Variants in PCDHA8 observed in about 807,000 individuals in gnomAD.
PCDHA8 encodes the protein protocadherin alpha 8.
Under a neutral mutation model 61.8 loss-of-function variants are expected in PCDHA8, and 53 were observed. The ratio of observed to expected loss-of-function variants is 0.86; its 90% CI spans 0.69 to 1.08. The LOEUF (loss-of-function observed/expected upper bound fraction) is 1.08, where lower values mean the gene tolerates loss of function less well. Ranked by LOEUF, PCDHA8 falls within the 50% of genes least tolerant of loss-of-function variation. The pLI is 0.00. For synonymous variants in PCDHA8, 618 were observed against 556.6 expected (o/e 1.11, Z -1.55); for missense variants, 1,293 against 1,245.0 (o/e 1.04, Z -0.58).
At chr5:140,929,050 C>T (rs946542782) in intron 1 of PCDHA8, 11 of 1,614,026 alleles carry the variant, frequency 6.8e-6, no homozygotes, top group African/African-American at 5.3e-5. Flanking sequence ...GAGCTGCTGT[C>T]GCTCTACAGA....
At chr5:140,977,104 A>C (rs2096746104) in intron 1 of PCDHA8, among the ~76,000 whole-genome samples, 1 of 152,242 alleles carries the variant, frequency 6.6e-6, no homozygotes, top group Admixed American at 6.5e-5. Flanking sequence ...TGGGGAAGTG[A>C]GATTGTATAA....
At chr5:140,892,616 G>A (rs781995267) in intron 1 of PCDHA8, among the ~76,000 whole-genome samples, 1 of 151,910 alleles carries the variant, frequency 6.6e-6, no homozygotes, top group Admixed American at 6.6e-5. Flanking sequence ...TTTATTTCCA[G>A]TTGGTACATA....
At chr5:140,982,360 AG>A in intron 2 of PCDHA8, 114 bp from the exon 3 acceptor site, 1 of 1,527,158 alleles carries the variant, frequency 6.5e-7, no homozygotes, top group Non-Finnish European at 8.8e-7. Context: ...AAGCATGAGC[AG>A]AATGTGTTAG....
chr5:140,847,671 A>G (rs1178920203), intron 1 of PCDHA8: 1 of 149,902 alleles, frequency 6.7e-6, no homozygotes, highest in Admixed American at 6.7e-5. Flanking sequence ...TAAAGCTTGG[A>G]AAGAATCAAA....
At chr5:141,005,467 GC>G (rs1463928635) in intron 3 of PCDHA8, among the ~76,000 whole-genome samples, 1 of 151,982 alleles carries the variant, frequency 6.6e-6, no homozygotes, top group Non-Finnish European at 1.5e-5. Context: ...ACTTTGGGAG[GC>G]CGAGACGGGC....
At chr5:140,965,880 A>G (rs1414604415) in intron 1 of PCDHA8, among the ~76,000 whole-genome samples, 1 of 152,190 alleles carries the variant, frequency 6.6e-6, no homozygotes, top group Non-Finnish European at 1.5e-5. Context: ...CTTGGCCGAG[A>G]GCAGAATTGA....
intron 1 of PCDHA8, chr5:140,865,687 A>G (rs924237080): frequency 3.3e-5 from 5 of 152,204 alleles, no homozygotes; most frequent in African/African-American, 1.2e-4. Flanking sequence ...AGTACATATG[A>G]CTGTTCCAAT....
chr5:140,868,478 A>AT (rs1444050987), intron 1 of PCDHA8: 1 of 152,364 alleles, frequency 6.6e-6, no homozygotes, highest in Admixed American at 6.5e-5. Context: ...TAAAACTTCA[A>AT]TTTTTTCTTT....
At chr5:140,858,992 T>C (rs1452375472) in intron 1 of PCDHA8, 1 of 151,532 alleles carries the variant, frequency 6.6e-6, no homozygotes, top group African/African-American at 2.4e-5. Context: ...AGTTCATTGG[T>C]AAAAATTTCT....
intron 2 of PCDHA8, 71 bp downstream of exon 2, chr5:140,979,078 A>C (rs2240296): frequency 3.8e-6 from 6 of 1,583,342 alleles, no homozygotes; most frequent in South Asian, 1.1e-5. Flanking sequence ...CTGCATCTCC[A>C]TAGGCCAGAA....
At chr5:140,877,943 T>C in intron 1 of PCDHA8, 1 of 1,363,226 alleles carries the variant, frequency 7.3e-7, no homozygotes, top group Non-Finnish European at 9.6e-7. Context: ...TCCTTTAAAC[T>C]ATCGAATGTC....
At chr5:140,850,110 G>T in intron 1 of PCDHA8, 1 of 1,596,146 alleles carries the variant, frequency 6.3e-7, no homozygotes, top group South Asian at 1.1e-5. Flanking sequence ...GAGCGCGCGC[G>T]ACGCGGGCGT....
At chr5:140,928,344 G>T (rs1554205800) in intron 1 of PCDHA8, 2 of 1,614,168 alleles carry the variant, frequency 1.2e-6, no homozygotes, top group East Asian at 2.2e-5. Flanking sequence ...CTTATGAGCT[G>T]TTGGATGTTA....
chr5:140,849,786 G>A, intron 1 of PCDHA8: 3 of 1,598,490 alleles, frequency 1.9e-6, no homozygotes, highest in African/African-American at 1.3e-5. Context: ...GCGGGACGGG[G>A]GCTCGCCTTC....
intron 1 of PCDHA8, among the ~76,000 whole-genome samples, chr5:140,879,111 T>A (rs1056977716): frequency 2.0e-4 from 30 of 152,184 alleles, no homozygotes; most frequent in African/African-American, 7.2e-4. Flanking sequence ...ATGGTGTAAT[T>A]GAAGGATTAG....
At chr5:140,976,470 G>A (rs1388811059) in intron 1 of PCDHA8, among the ~76,000 whole-genome samples, 3 of 152,116 alleles carry the variant, frequency 2.0e-5, no homozygotes, top group Non-Finnish European at 4.4e-5. Context: ...AGAATTGCTT[G>A]AATCCGGGAG....
At chr5:140,901,930 C>G (rs902948893) in intron 1 of PCDHA8, among the ~76,000 whole-genome samples, 2 of 151,400 alleles carry the variant, frequency 1.3e-5, no homozygotes, top group Admixed American at 1.3e-4. Flanking sequence ...TTGGTTAATT[C>G]CTAGGTATAT....
At chr5:140,852,855 T>C in intron 1 of PCDHA8, 1 of 964,490 alleles carries the variant, frequency 1.0e-6, no homozygotes, top group Non-Finnish European at 1.3e-6. Flanking sequence ...TTACTAAGCA[T>C]TTACTATGTC....
In PCDHA8 at chr5:140,871,291, G is replaced by T. The variant is rs2052917819; in HGVS notation, c.2394+27576G>T. 3 of 1,613,906 alleles carry T rather than the reference G, an allele frequency of 1.9e-6. No individual in the cohort carries two copies. Among genetic ancestry groups the T allele is most frequent in the African/African-American group, 2.7e-5 (2 of 75,070 alleles). ...GTGGTCGGCAACGCCCACTGAGGGC[G>T]CGTGCGCGCCGGGGAAGCCCACGCT... On this transcript the variant is annotated intron_variant, in intron 1 of 3. Transcript: ENST00000531613.
Sources: gnomAD v4.1 joint callset for allele counts (sites outside exome capture counted in the v4.1 genomes callset) on GRCh38, gnomAD v4.1.1 for gene constraint, MANE v1.5 for transcripts, NCBI Gene and HGNC (gene_info 2026-07-23, HGNC 2026-07-21) for gene names.